Variants in TPST1 observed in about 807,000 individuals in gnomAD.
TPST1 encodes tyrosylprotein sulfotransferase 1.
A neutral mutation model predicts 34.8 loss-of-function variants in TPST1; 20 were observed. That is an observed-to-expected ratio of 0.57 (90% CI 0.40 to 0.84). TPST1 has a LOEUF of 0.84. Among genes scored for constraint, TPST1 ranks in the 40% least tolerant of loss-of-function variants. The pLI is 0.00. For synonymous variants in TPST1, 152 were observed against 159.4 expected (o/e 0.95, Z 0.35); for missense variants, 353 against 455.5 (o/e 0.78, Z 2.05).
At chr7:66,330,214 TGAG>T (rs1298389789) in intron 3 of TPST1, among the ~76,000 whole-genome samples, 1 of 152,158 alleles carries the variant, frequency 6.6e-6, no homozygotes, top group Non-Finnish European at 1.5e-5. Flanking sequence ...GAATTTTAGA[TGAG>T]GAGATTACCG....
intron 2 of TPST1, among the ~76,000 whole-genome samples, chr7:66,251,827 G>T (rs1790268565): frequency 6.7e-6 from 1 of 148,728 alleles, no homozygotes; most frequent in African/African-American, 2.5e-5. Context: ...ATTTTCTTTT[G>T]AGATTTACCT....
intron 3 of TPST1, among the ~76,000 whole-genome samples, chr7:66,347,182 C>T (rs1355841617): frequency 7.0e-6 from 1 of 142,308 alleles, no homozygotes; most frequent in African/African-American, 2.6e-5. Flanking sequence ...ATTCTAATGC[C>T]TCAGCCTCCT....
chr7:66,266,268 C>T (rs1790590085), intron 2 of TPST1, among the ~76,000 whole-genome samples: 1 of 150,032 alleles, frequency 6.7e-6, no homozygotes, highest in African/African-American at 2.5e-5. Context: ...TTTCACCAGT[C>T]TAATTCTACT....
chr7:66,217,003 C>CT (rs1038990918), intron 1 of TPST1, among the ~76,000 whole-genome samples: 33 of 151,510 alleles, frequency 2.2e-4, no homozygotes, highest in African/African-American at 5.6e-4. Flanking sequence ...ATTTCCCAAA[C>CT]TTTTTTTTTG....
At chr7:66,297,602 G>A (rs952037630) in intron 3 of TPST1, among the ~76,000 whole-genome samples, 3 of 152,202 alleles carry the variant, frequency 2.0e-5, no homozygotes, top group Non-Finnish European at 2.9e-5. Flanking sequence ...TGAGTAGATA[G>A]TACTGAGGAA....
upstream of TPST1, among the ~76,000 whole-genome samples, chr7:66,204,741 C>A (rs543145773): frequency 1.3e-5 from 2 of 152,214 alleles, no homozygotes; most frequent in East Asian, 1.9e-4. Flanking sequence ...TCTTTTAGGG[C>A]GTCAGCCCCC....
chr7:66,206,292 C>A (rs1378892223), intron 1 of TPST1, among the ~76,000 whole-genome samples: 1 of 152,108 alleles, frequency 6.6e-6, no homozygotes, highest in Non-Finnish European at 1.5e-5. Context: ...TTCGTCCTTA[C>A]ATGAGCTGCA....
intron 5 of TPST1, 98 bp downstream of exon 5, chr7:66,356,969 T>A: frequency 8.2e-7 from 1 of 1,213,726 alleles, no homozygotes; most frequent in Non-Finnish European, 1.2e-6. Flanking sequence ...CTGGAGTCCG[T>A]CTGCCAGGGT....
chr7:66,327,722 TAAAAA>T (rs1178857668), intron 3 of TPST1, among the ~76,000 whole-genome samples: 1 of 109,618 alleles, frequency 9.1e-6, no homozygotes. Flanking sequence ...GACCCTGTCT[TAAAAA>T]AAAAAAAAAG....
At chr7:66,253,456 C>T (rs1272057340) in intron 2 of TPST1, among the ~76,000 whole-genome samples, 4 of 151,326 alleles carry the variant, frequency 2.6e-5, no homozygotes, top group East Asian at 3.9e-4. Context: ...CTGCAACCTC[C>T]GCCTCCTGGG....
chr7:66,216,513 A>G (rs1252959967), intron 1 of TPST1, among the ~76,000 whole-genome samples: 1 of 149,248 alleles, frequency 6.7e-6, no homozygotes, highest in East Asian at 2.0e-4. Flanking sequence ...TCTGTCGCCC[A>G]GGCTGGAGTG....
At chr7:66,303,111 C>G (rs1484718852) in intron 3 of TPST1, among the ~76,000 whole-genome samples, 1 of 152,170 alleles carries the variant, frequency 6.6e-6, no homozygotes, top group Non-Finnish European at 1.5e-5. Flanking sequence ...CCTACCTTTA[C>G]TTGTGTACTT....
In TPST1 at chr7:66,325,914, G is replaced by A. The variant is rs567362321; in HGVS notation, c.1045-26591G>A. Reference sequence around the variant, plus strand: ...CTCCCAAATTGCTGGGGTTACAGGCGTGAGCCACCATGCCTGGCCTTTAAT... The same window carrying A: ...CTCCCAAATTGCTGGGGTTACAGGCATGAGCCACCATGCCTGGCCTTTAAT... On this transcript the variant is annotated intron_variant, in intron 3 of 5. Transcript: ENST00000304842. Among the ~76,000 whole-genome samples, 15 of 152,284 alleles carry A rather than the reference G, an allele frequency of 9.9e-5. No individual in the cohort carries two copies. In the South Asian group the frequency reaches 2.7e-3, roughly 27 times the overall value.
intron 1 of TPST1, among the ~76,000 whole-genome samples, chr7:66,228,721 G>A (rs1476183636): frequency 6.6e-6 from 1 of 151,994 alleles, no homozygotes; most frequent in African/African-American, 2.4e-5. Flanking sequence ...CTTTTTCTAG[G>A]ATCATTCCTC....
intron 3 of TPST1, among the ~76,000 whole-genome samples, chr7:66,336,271 C>G (rs985219285): frequency 6.6e-6 from 1 of 151,018 alleles, no homozygotes; most frequent in African/African-American, 2.4e-5. Flanking sequence ...GATTGTGCCA[C>G]TGCACTCCAG....
chr7:66,305,253 C>G (rs1342364162), intron 3 of TPST1, among the ~76,000 whole-genome samples: 4 of 152,178 alleles, frequency 2.6e-5, no homozygotes, highest in Non-Finnish European at 5.9e-5. Flanking sequence ...TTCTCATTTT[C>G]TGTACCTTTC....
At chr7:66,250,100 G>A (rs1181943818) in intron 2 of TPST1, among the ~76,000 whole-genome samples, 1 of 152,184 alleles carries the variant, frequency 6.6e-6, no homozygotes, top group Non-Finnish European at 1.5e-5. Flanking sequence ...AGGGAAGATG[G>A]TGATGATGGT....
chr7:66,201,461 T>G (rs950600615), upstream of TPST1, among the ~76,000 whole-genome samples: 37 of 147,574 alleles, frequency 2.5e-4, no homozygotes, highest in Middle Eastern at 3.7e-3. Context: ...GAGGCCAAGG[T>G]GGGCAGATCA....
intron 1 of TPST1, among the ~76,000 whole-genome samples, chr7:66,222,995 A>T (rs1201933324): frequency 1.3e-5 from 2 of 152,138 alleles, no homozygotes; most frequent in Non-Finnish European, 2.9e-5. Context: ...TGGATGACAG[A>T]ACTGAAGCTT....
Sources: allele counts gnomAD v4.1 joint callset (sites outside exome capture counted in the v4.1 genomes callset), GRCh38; gene constraint gnomAD v4.1.1; transcripts MANE v1.5; gene names NCBI Gene and HGNC (gene_info 2026-07-23, HGNC 2026-07-21).